RNF185: variants seen among roughly 807,000 people sequenced by gnomAD.
The protein encoded by RNF185 is ring finger protein 185.
In RNF185, 13 loss-of-function variants were observed where a neutral mutation model predicts 24.9. The ratio of observed to expected loss-of-function variants is 0.52; its 90% CI spans 0.34 to 0.83. The LOEUF is 0.83. Ranked by LOEUF, RNF185 falls within the 40% of genes least tolerant of loss-of-function variation. The probability of loss-of-function intolerance (pLI) is 0.01; values close to 1 mark genes in which losing one functional copy is unlikely to be tolerated. For missense variants in RNF185, 184 were observed against 244.7 expected, an observed-to-expected ratio of 0.75 and a Z score of 1.65; for synonymous variants, 79 against 90.3, an observed-to-expected ratio of 0.88 and a Z score of 0.71.
chr22:31,171,556 A>G (rs1416510579), intron 1 of RNF185, among the ~76,000 whole-genome samples: 2 of 152,188 alleles, frequency 1.3e-5, no homozygotes, highest in Admixed American at 6.5e-5. Context: ...AACAAATACA[A>G]TGGAGGTGGC....
At chr22:31,177,236 G>GAA (rs34293991) in intron 1 of RNF185, among the ~76,000 whole-genome samples, 5 of 151,232 alleles carry the variant, frequency 3.3e-5, no homozygotes, top group Admixed American at 2.0e-4. Context: ...CCTTTAGACT[G>GAA]AAAAAAAAGT....
At position 31,187,247 on chromosome 22, in the gene RNF185, C is replaced by G. The variant is rs2048109142; in HGVS notation, c.153C>G (p.Ile51Met). ...TGGACACAGCCAAGGATGCCGTCAT[C>G]AGCCTGTGTGGCCACCTCTTCTGGT... ...ICLDTAKDAV[I>M]SLCGHLFCWP... Residue 51 changes from isoleucine to methionine, a missense_variant, in exon 2 of 7, where the codon ATC (isoleucine) becomes ATG (methionine). By Grantham distance (10) the Ile-to-Met change is conservative. Transcript: ENST00000326132. 6.2e-7 allele frequency: 1 copy of G among 1,614,088 alleles called. No homozygotes were observed. The highest frequency in any genetic ancestry group is 8.5e-7 in the Non-Finnish European group (1 of 1,179,936).
At chr22:31,190,340 G>A (rs528381298) in intron 2 of RNF185, among the ~76,000 whole-genome samples, 9 of 152,092 alleles carry the variant, frequency 5.9e-5, no homozygotes, top group Admixed American at 1.3e-4. Flanking sequence ...AGGCTGGAGT[G>A]CAGTGGCGTG....
chr22:31,185,076 A>C (rs775045121), intron 1 of RNF185, among the ~76,000 whole-genome samples: 5 of 127,682 alleles, frequency 3.9e-5, no homozygotes, highest in African/African-American at 8.4e-5. Flanking sequence ...TGTGGCCCTC[A>C]AAAGTGGGTT....
intron 2 of RNF185, 113 bp from the exon 3 acceptor site, chr22:31,192,571 C>A: frequency 1.1e-6 from 1 of 882,128 alleles, no homozygotes. Context: ...CCTGTTTTCT[C>A]ATTCTGCTAC....
chr22:31,202,407 G>C (rs1243593340), intron 6 of RNF185, among the ~76,000 whole-genome samples: 2 of 152,070 alleles, frequency 1.3e-5, no homozygotes, highest in Non-Finnish European at 2.9e-5. Context: ...AGTGACCATT[G>C]TGTGGTTCAC....
At chr22:31,193,843 CAAACAA>C (rs997075474) in intron 3 of RNF185, among the ~76,000 whole-genome samples, 2 of 150,896 alleles carry the variant, frequency 1.3e-5, no homozygotes, top group African/African-American at 4.9e-5. Context: ...AAGCAAAAAA[CAAACAA>C]AAACAAACCA....
chr22:31,181,754 AC>A (rs1157833162), intron 1 of RNF185, among the ~76,000 whole-genome samples: 1 of 152,038 alleles, frequency 6.6e-6, no homozygotes, highest in Non-Finnish European at 1.5e-5. Context: ...TATCGCAAGG[AC>A]AAAAAACCAA....
intron 4 of RNF185, 90 bp from the exon 5 acceptor site, chr22:31,196,846 C>T: frequency 6.4e-7 from 1 of 1,557,236 alleles, no homozygotes; most frequent in Non-Finnish European, 8.7e-7. Flanking sequence ...GGCTATGGCC[C>T]TGACCCTGTT....
chr22:31,175,818 G>A (rs1211211795), intron 1 of RNF185, among the ~76,000 whole-genome samples: 1 of 152,104 alleles, frequency 6.6e-6, no homozygotes, highest in Non-Finnish European at 1.5e-5. Flanking sequence ...TAAAATTTCT[G>A]AGATGATTAT....
intron 1 of RNF185, among the ~76,000 whole-genome samples, chr22:31,171,581 C>T (rs1248902503): frequency 6.6e-6 from 1 of 152,152 alleles, no homozygotes; most frequent in African/African-American, 2.4e-5. Flanking sequence ...GGCACAAGAG[C>T]AATTTGTAAA....
rs150731369 is a variant in RNF185, at chr22:31,169,053, G to A, written c.-49+8750G>A. Among the ~76,000 whole-genome samples, 259 of 152,108 alleles carry A rather than the reference G, an allele frequency of 1.7e-3. 1 individual carries two copies. Among genetic ancestry groups the A allele is most frequent in the African/African-American group, 5.9e-3 (245 of 41,488 alleles). On this transcript the variant is annotated intron_variant, in intron 1 of 6. Coordinates refer to ENST00000326132, the MANE Select transcript of RNF185 (RefSeq NM_152267.4). ...CTCGCACGTAGCTGGAAGTACAGGC[G>A]TGTGCCACCACACCTGGCTAATTTG...
intron 1 of RNF185, among the ~76,000 whole-genome samples, chr22:31,183,630 A>G (rs1299342099): frequency 1.3e-5 from 2 of 152,174 alleles, no homozygotes; most frequent in Non-Finnish European, 2.9e-5. Context: ...AACAAAGCAC[A>G]TCTTGCACCG....
Position 31,187,036 on chromosome 22 carries a change from C to T in RNF185, c.-48-11C>T, listed in dbSNP as rs753289762. ...GCAGAAATGGACAGTCAAGAGTTCTCTGCCTTTTAGGATTTCCCTGGGGAA... is the reference window on the plus strand; with the variant it reads ...GCAGAAATGGACAGTCAAGAGTTCTTTGCCTTTTAGGATTTCCCTGGGGAA... On this transcript the variant is annotated splice_polypyrimidine_tract_variant and intron_variant, in intron 1 of 6. Coordinates refer to ENST00000326132, the MANE Select transcript of RNF185 (RefSeq NM_152267.4). 27 of 1,548,140 alleles carry T rather than the reference C, an allele frequency of 1.7e-5. No homozygotes were observed. The highest frequency in any genetic ancestry group is 6.1e-5 in the South Asian group (5 of 82,458).
chr22:31,195,425 TGGGTCTTG>T, intron 3 of RNF185, 36 bp from the exon 4 acceptor site: 2 of 1,364,852 alleles, frequency 1.5e-6, no homozygotes, highest in South Asian at 2.5e-5. Flanking sequence ...ATCACTCTGG[TGGGTCTTG>T]GGCCATCCAC....
intron 5 of RNF185, among the ~76,000 whole-genome samples, chr22:31,200,753 G>A (rs2048254633): frequency 6.6e-6 from 1 of 152,172 alleles, no homozygotes; most frequent in Non-Finnish European, 1.5e-5. Context: ...CTCTGACTCT[G>A]TCAATTATTT....
intron 1 of RNF185, chr22:31,182,938 T>TTATTATTATTATTA (rs1568965695): frequency 2.0e-5 from 1 of 50,972 alleles, no homozygotes; most frequent in South Asian, 7.3e-4. Flanking sequence ...TATTATTATT[T>TTATTATTATTATTA]TTGAGATGGA....
chr22:31,167,941 T>C (rs1874170668), intron 1 of RNF185, among the ~76,000 whole-genome samples: 1 of 152,172 alleles, frequency 6.6e-6, no homozygotes, highest in Admixed American at 6.6e-5. Flanking sequence ...GTGAAATTCA[T>C]ATAAAATTTA....
intron 2 of RNF185, 74 bp downstream of exon 2, chr22:31,187,344 G>A (rs1363622082): frequency 8.6e-6 from 13 of 1,515,380 alleles, no homozygotes; most frequent in Non-Finnish European, 1.2e-5. Flanking sequence ...GTGGTTTGGA[G>A]CAGAATGCTT....
Sources: gnomAD v4.1 joint callset for allele counts (sites outside exome capture counted in the v4.1 genomes callset) on GRCh38, gnomAD v4.1.1 for gene constraint, MANE v1.5 for transcripts, NCBI Gene and HGNC (gene_info 2026-07-23, HGNC 2026-07-21) for gene names.